Variants in TRIOBP observed in about 807,000 individuals in gnomAD.
The protein encoded by TRIOBP is TRIO and F-actin-binding protein.
Under a neutral mutation model 238.8 loss-of-function variants are expected in TRIOBP, and 169 were observed. That is an observed-to-expected ratio of 0.71 (90% confidence interval 0.62 to 0.80). The LOEUF is 0.80. TRIOBP is among the 30% of genes least tolerant of loss of function. The pLI is 0.00. For missense variants in TRIOBP, 2,838 were observed against 3,122.6 expected (o/e 0.91, Z 2.17); for synonymous variants, 1,150 against 1,274.4 (o/e 0.90, Z 2.08).
chr22:37,720,449 G>A (rs150964098), intron 6 of TRIOBP, among the ~76,000 whole-genome samples: 94 of 151,968 alleles, frequency 6.2e-4, no homozygotes, highest in African/African-American at 1.8e-3. Flanking sequence ...CATCTCCTCC[G>A]TCTCCTCCAA....
chr22:37,769,712 T>A (rs1023254526), intron 21 of TRIOBP, among the ~76,000 whole-genome samples: 3 of 152,038 alleles, frequency 2.0e-5, no homozygotes, highest in Admixed American at 1.3e-4. Flanking sequence ...AGTATCACTG[T>A]AGTATTTTCT....
intron 10 of TRIOBP, among the ~76,000 whole-genome samples, chr22:37,739,125 A>C (rs1395803892): frequency 1.3e-5 from 2 of 152,104 alleles, no homozygotes; most frequent in Non-Finnish European, 2.9e-5. Flanking sequence ...CCAGTCAGCC[A>C]GGCCTGGAGG....
chr22:37,713,525 G>A (rs1923365161), intron 5 of TRIOBP, 114 bp downstream of exon 5: 12 of 1,340,922 alleles, frequency 8.9e-6, no homozygotes, highest in African/African-American at 2.9e-5. Context: ...GGAATCCGAC[G>A]AGGTCCTCTG....
chr22:37,758,680 A>G (rs1390943941), intron 16 of TRIOBP, among the ~76,000 whole-genome samples: 6 of 132,662 alleles, frequency 4.5e-5, no homozygotes, highest in Admixed American at 2.2e-4. Context: ...TTTGTCTCAG[A>G]TTAAAAAAAA....
intron 9 of TRIOBP, among the ~76,000 whole-genome samples, 194 bp downstream of exon 9, chr22:37,735,636 T>G (rs889040401): frequency 6.6e-6 from 1 of 152,194 alleles, no homozygotes; most frequent in African/African-American, 2.4e-5. Flanking sequence ...CAACACAGTT[T>G]TAAGCGTTTA....
chr22:37,767,313 AAAG>A (rs772856414), intron 18 of TRIOBP, among the ~76,000 whole-genome samples: 63 of 150,068 alleles, frequency 4.2e-4, no homozygotes, highest in Admixed American at 9.3e-4. Flanking sequence ...TCAAAAAAAA[AAAG>A]AAAGAAAAAA....
rs368335442 is a variant in TRIOBP at position 37,713,329 on chromosome 22, G to T, written c.374G>T (p.Ser125Ile). ...GGCCTGACCACTTCCTTGTGTGGCAGCTGCAACGAGGACCCCGGCTCTGAC... is the reference window on the plus strand; with the variant it reads ...GGCCTGACCACTTCCTTGTGTGGCATCTGCAACGAGGACCCCGGCTCTGAC... ...LEGLTTSLCG[S>I]CNEDPGSDPT... Residue 125 changes from serine (S) to isoleucine (I), a missense_variant, in exon 5 of 24, where the codon AGC becomes ATC. Ser to Ile is a moderately radical substitution (Grantham distance 142). Transcript: ENST00000644935. 2 of 1,614,012 alleles carry T rather than the reference G, an allele frequency of 1.2e-6. No individual in the cohort carries two copies. Among genetic ancestry groups the T allele is most frequent in the Non-Finnish European group, 1.7e-6 (2 of 1,179,954 alleles).
chr22:37,708,033 T>G (rs1336794688), intron 3 of TRIOBP, among the ~76,000 whole-genome samples: 1 of 144,972 alleles, frequency 6.9e-6, no homozygotes, highest in Non-Finnish European at 1.5e-5. Context: ...GATCACGAGA[T>G]CAGGAGATCG....
chr22:37,729,440 T>C (rs1184699607), intron 7 of TRIOBP, among the ~76,000 whole-genome samples: 1 of 152,112 alleles, frequency 6.6e-6, no homozygotes, highest in African/African-American at 2.4e-5. Context: ...GGTCTCAAAC[T>C]CCTGGCCTCA....
intron 15 of TRIOBP, among the ~76,000 whole-genome samples, chr22:37,756,750 C>T (rs1925943074): frequency 2.0e-5 from 3 of 152,120 alleles, no homozygotes; most frequent in Admixed American, 6.5e-5. Flanking sequence ...GGGAATACTG[C>T]GAGTGTAGTT....
At chr22:37,713,435 G>T in intron 5 of TRIOBP, 24 bp downstream of exon 5, 3 of 1,609,590 alleles carry the variant, frequency 1.9e-6, no homozygotes, top group Non-Finnish European at 2.5e-6. Context: ...GGGAGTTTGG[G>T]GGACAAGAGT....
intron 12 of TRIOBP, among the ~76,000 whole-genome samples, chr22:37,753,363 C>T (rs545833478): frequency 2.6e-5 from 4 of 152,278 alleles, no homozygotes; most frequent in African/African-American, 7.2e-5. Context: ...TGTCTTCCGC[C>T]TCCCGGGTTC....
chr22:37,701,358 C>T lies in TRIOBP; in HGVS notation c.-8C>T. The T allele has an allele frequency of 6.2e-7, 1 of 1,609,004 alleles. No homozygotes were observed. Among genetic ancestry groups the T allele is most frequent in the Non-Finnish European group, 8.5e-7 (1 of 1,176,820 alleles). ...TCATAGGAACTGCCCTGGCCTGACT[C>T]ACCCAATATGGAGGAGGTGCCTGGG... is the stretch of plus-strand genomic sequence containing the variant. On this transcript the variant is annotated 5_prime_UTR_variant, in exon 3 of 24. Coordinates refer to ENST00000644935, the MANE Select transcript of TRIOBP (RefSeq NM_001039141.3).
chr22:37,733,343 G>A lies in TRIOBP; in HGVS notation c.3993G>A (p.Arg1331=). The change falls in exon 8 of 24, where the codon CGG becomes CGA. Residue 1331 remains arginine (R), a synonymous_variant. Coordinates refer to ENST00000644935, the MANE Select transcript of TRIOBP (RefSeq NM_001039141.3). ...AGAFQAQDEG[R]SQQPSQGQSQ... ...CCTTCCAGGCCCAGGACGAGGGACG[G>A]TCACAGCAGCCCAGCCAAGGCCAGA... The A allele has an allele frequency of 6.4e-7, 1 of 1,551,522 alleles. No individual in the cohort carries two copies. Among genetic ancestry groups the A allele is most frequent in the East Asian group, 2.4e-5 (1 of 41,000 alleles).
intron 12 of TRIOBP, among the ~76,000 whole-genome samples, chr22:37,753,596 G>GC: frequency 6.6e-6 from 1 of 152,294 alleles, no homozygotes; most frequent in Admixed American, 6.5e-5. Context: ...CTTCTTAGTA[G>GC]CCCTACTTTA....
intron 12 of TRIOBP, 151 bp downstream of exon 12, chr22:37,751,979 C>T: frequency 1.2e-6 from 1 of 825,474 alleles, no homozygotes; most frequent in South Asian, 1.5e-5. Context: ...GCTTCTGCCT[C>T]CTGGAGCAGT....
In TRIOBP at chr22:37,769,364, T is replaced by C; in HGVS notation, c.6838T>C (p.Cys2280Arg). The change falls in exon 21 of 24, where the codon TGC becomes CGC. Residue 2280 changes from cysteine (C) to arginine (R), a missense_variant. By Grantham distance (180) the Cys-to-Arg change is radical. Coordinates refer to ENST00000644935, the MANE Select transcript of TRIOBP (RefSeq NM_001039141.3). ...CGGGCGCAGCAACGAGCGGAGTTCC[T>C]GCGAGCTAGAGGTGAGTGTCCTCAC... The part of the protein sequence containing the change: ...GCGRSNERSS[C>R]ELEVLLRVKE... 1 of 1,605,706 alleles carries C rather than the reference T, an allele frequency of 6.2e-7. No individual in the cohort carries two copies. The highest frequency in any genetic ancestry group is 8.5e-7 in the Non-Finnish European group (1 of 1,177,584).
intron 3 of TRIOBP, among the ~76,000 whole-genome samples, chr22:37,709,018 C>T (rs1923095044): frequency 6.6e-6 from 1 of 152,178 alleles, no homozygotes; most frequent in African/African-American, 2.4e-5. Context: ...CTGTGCTGTC[C>T]CCTGGGTGGC....
At chr22:37,719,994 C>CCA (rs1189583046) in intron 6 of TRIOBP, among the ~76,000 whole-genome samples, 228 of 12,684 alleles carry the variant, frequency 0.018, 23 homozygotes, top group African/African-American at 0.029. Flanking sequence ...CTCATCCCCC[C>CCA]CCGCCCTTTT....
Sources: gnomAD v4.1 joint callset for allele counts (sites outside exome capture counted in the v4.1 genomes callset) on GRCh38, gnomAD v4.1.1 for gene constraint, MANE v1.5 for transcripts, NCBI Gene and HGNC (gene_info 2026-07-23, HGNC 2026-07-21) for gene names.